Variants in MSRA observed in about 807,000 individuals in gnomAD.
The protein encoded by MSRA is methionine sulfoxide reductase A.
A neutral mutation model predicts 31.3 loss-of-function variants in MSRA; 54 were observed. The observed-to-expected ratio is 1.73, with a 90% CI of 1.39 to 2.17. The LOEUF is 2.17. Among genes scored for constraint, MSRA ranks in the 30% most tolerant of loss-of-function variants. The pLI, the probability that MSRA is intolerant of heterozygous loss-of-function variation, is 0.00. For missense variants in MSRA, 507 were observed against 300.9 expected (o/e 1.69, Z -5.07); for synonymous variants, 169 against 116.5 (o/e 1.45, Z -2.90).
intron 5 of MSRA, among the ~76,000 whole-genome samples, chr8:10,323,773 T>TGTGA (rs1554526786): frequency 6.6e-6 from 1 of 151,092 alleles, no homozygotes. Flanking sequence ...TGTGTGTGTG[T>TGTGA]GTCTGTGTCT....
chr8:10,260,954 A>G (rs1585302280), intron 3 of MSRA, among the ~76,000 whole-genome samples: 1 of 152,372 alleles, frequency 6.6e-6, no homozygotes, highest in Middle Eastern at 3.4e-3. Flanking sequence ...TCTTTAGTCT[A>G]AGCACAAAGT....
At chr8:10,321,809 C>T (rs1428571098) in intron 5 of MSRA, among the ~76,000 whole-genome samples, 1 of 152,174 alleles carries the variant, frequency 6.6e-6, no homozygotes, top group Non-Finnish European at 1.5e-5. Flanking sequence ...ATCCCCTCAA[C>T]CCCAGTCAAG....
intron 1 of MSRA, among the ~76,000 whole-genome samples, chr8:10,105,128 T>C (rs1304357017): frequency 6.6e-6 from 1 of 152,244 alleles, no homozygotes; most frequent in Admixed American, 6.5e-5. Flanking sequence ...TGAGTTGTTT[T>C]ATTCTTACTA....
chr8:10,187,004 C>G (rs567024215), intron 1 of MSRA, among the ~76,000 whole-genome samples: 3 of 152,142 alleles, frequency 2.0e-5, no homozygotes, highest in Non-Finnish European at 4.4e-5. Flanking sequence ...GCCTTTGTTT[C>G]TGTACAATTT....
At chr8:10,301,659 G>A (rs749459650) in intron 4 of MSRA, 21 bp downstream of exon 4, 9 of 1,575,388 alleles carry the variant, frequency 5.7e-6, no homozygotes, top group African/African-American at 1.4e-5. Flanking sequence ...GAGTGAGCCA[G>A]TATTTAATTA....
intron 1 of MSRA, among the ~76,000 whole-genome samples, chr8:10,096,757 T>G (rs1799182153): frequency 6.6e-6 from 1 of 152,194 alleles, no homozygotes; most frequent in Non-Finnish European, 1.5e-5. Context: ...GATTGGATTG[T>G]GATAGTTCTG....
At chr8:10,057,926 C>G (rs1002235040) in intron 1 of MSRA, among the ~76,000 whole-genome samples, 2 of 152,194 alleles carry the variant, frequency 1.3e-5, no homozygotes, top group Non-Finnish European at 2.9e-5. Flanking sequence ...CAAAGGCCGT[C>G]TTTCATGTGG....
intron 1 of MSRA, among the ~76,000 whole-genome samples, chr8:10,073,193 C>G (rs1013680722): frequency 1.3e-5 from 2 of 152,078 alleles, no homozygotes; most frequent in African/African-American, 2.4e-5. Context: ...TTGTATCTAT[C>G]TTAGGGGAAA....
chr8:10,217,880 G>A (rs949453980), intron 2 of MSRA, among the ~76,000 whole-genome samples: 5 of 152,068 alleles, frequency 3.3e-5, no homozygotes, highest in African/African-American at 9.7e-5. Flanking sequence ...ATTGCAATTG[G>A]TTAATATAAA....
At chr8:10,308,338 A>G (rs1180353011) in intron 4 of MSRA, among the ~76,000 whole-genome samples, 1 of 152,182 alleles carries the variant, frequency 6.6e-6, no homozygotes, top group African/African-American at 2.4e-5. Flanking sequence ...TGTTGTTAAG[A>G]GTGTGGACCC....
At chr8:10,223,511 T>G (rs1451488341) in intron 2 of MSRA, among the ~76,000 whole-genome samples, 3 of 152,212 alleles carry the variant, frequency 2.0e-5, no homozygotes, top group African/African-American at 7.2e-5. Flanking sequence ...ACATTTGGGC[T>G]TCAGTCAGTG....
At chr8:10,424,463 CGGGGTGGAGTGGGA>C (rs1809008954) in intron 5 of MSRA, among the ~76,000 whole-genome samples, 1 of 139,670 alleles carries the variant, frequency 7.2e-6, no homozygotes, top group African/African-American at 2.8e-5. Context: ...GGAGAAGGCC[CGGGGTGGAGTGGGA>C]CGGGAAGAAG....
chr8:10,239,990 A>G (rs560109491), intron 2 of MSRA, among the ~76,000 whole-genome samples: 1 of 152,212 alleles, frequency 6.6e-6, no homozygotes, highest in Admixed American at 6.5e-5. Context: ...GGTGACGTGC[A>G]GTAAAATAAA....
At chr8:10,210,230 G>C (rs1188369413) in intron 2 of MSRA, among the ~76,000 whole-genome samples, 4 of 152,140 alleles carry the variant, frequency 2.6e-5, no homozygotes, top group African/African-American at 7.2e-5. Context: ...CCTCTTCCTA[G>C]CGAGGCCATG....
At chr8:10,116,457 G>T (rs1800684420) in intron 1 of MSRA, among the ~76,000 whole-genome samples, 1 of 152,168 alleles carries the variant, frequency 6.6e-6, no homozygotes, top group African/African-American at 2.4e-5. Context: ...AGCACCTCCT[G>T]TATGCTGAAC....
chr8:10,200,524 G>A (rs889978303), intron 1 of MSRA, among the ~76,000 whole-genome samples: 1 of 152,074 alleles, frequency 6.6e-6, no homozygotes, highest in East Asian at 1.9e-4. Flanking sequence ...TCCTCATCAC[G>A]GGTCCCAGCT....
intron 1 of MSRA, among the ~76,000 whole-genome samples, chr8:10,106,142 G>C (rs563485199): frequency 6.6e-6 from 1 of 152,332 alleles, no homozygotes; most frequent in East Asian, 1.9e-4. Context: ...GATACTAACA[G>C]CTGAGGGAAG....
chr8:10,222,732 G>C (rs2129068395), intron 2 of MSRA, among the ~76,000 whole-genome samples: 1 of 152,298 alleles, frequency 6.6e-6, no homozygotes, highest in South Asian at 2.1e-4. Context: ...AAATAAGCCA[G>C]GCATAGAAAA....
intron 1 of MSRA, among the ~76,000 whole-genome samples, chr8:10,179,471 G>A (rs1304728601): frequency 6.6e-6 from 1 of 152,192 alleles, no homozygotes; most frequent in Admixed American, 6.5e-5. Context: ...GTGTATTTCA[G>A]TCATTCTGAA....
Sources: allele counts gnomAD v4.1 joint callset (sites outside exome capture counted in the v4.1 genomes callset), GRCh38; gene constraint gnomAD v4.1.1; transcripts MANE v1.5; gene names NCBI Gene and HGNC (gene_info 2026-07-23, HGNC 2026-07-21).